ERI2: variants seen among roughly 807,000 people sequenced by gnomAD.
ERI2 encodes ERI1 exoribonuclease 2.
Under a neutral mutation model 46.8 loss-of-function variants are expected in ERI2, and 35 were observed. The observed-to-expected ratio is 0.75, with a 90% CI of 0.57 to 0.99. ERI2 has a LOEUF of 0.99. Ranked by LOEUF, ERI2 falls within the 50% of genes least tolerant of loss-of-function variation. The pLI, the probability that ERI2 is intolerant of heterozygous loss-of-function variation, is 0.00. For missense variants in ERI2, 695 were observed against 796.2 expected (o/e 0.87, Z 1.53); for synonymous variants, 224 against 271.0 (o/e 0.83, Z 1.70).
At chr16:20,792,125 T>C (rs749653596), downstream of ERI2, 1 of 1,614,036 alleles carries the variant, frequency 6.2e-7, no homozygotes, top group Non-Finnish European at 8.5e-7. Context: ...CATATTATCC[T>C]CTGGGTAACT....
chr16:20,788,017 C>A (rs1567360392), intron 10 of ERI2, among the ~76,000 whole-genome samples: 1 of 152,130 alleles, frequency 6.6e-6, no homozygotes, highest in Non-Finnish European at 1.5e-5. Flanking sequence ...GTTTAAAGAG[C>A]ATATCAGAAT....
chr16:20,792,235 G>A, downstream of ERI2: 1 of 1,614,082 alleles, frequency 6.2e-7, no homozygotes, highest in Non-Finnish European at 8.5e-7. Flanking sequence ...TGTGTTTCTA[G>A]CTATCGAATT....
At chr16:20,787,216 A>G (rs759962553) in intron 10 of ERI2, among the ~76,000 whole-genome samples, 1 of 152,196 alleles carries the variant, frequency 6.6e-6, no homozygotes, top group Non-Finnish European at 1.5e-5. Flanking sequence ...AGTTGAAAAC[A>G]TCCTAAGTCA....
At chr16:20,806,354 C>G in intron 1 of ERI2, 54 bp downstream of exon 1, 1 of 1,546,116 alleles carries the variant, frequency 6.5e-7, no homozygotes. Context: ...CTGCGGCCAA[C>G]GCCAGCGCTG....
At chr16:20,806,171 C>T (rs998317717) in intron 1 of ERI2, 8 of 1,397,498 alleles carry the variant, frequency 5.7e-6, no homozygotes, top group Middle Eastern at 2.6e-4. Context: ...AGTCAAGGCC[C>T]CAGGGTTCGT....
intron 10 of ERI2, among the ~76,000 whole-genome samples, chr16:20,782,061 G>GA (rs1337897135): frequency 6.6e-6 from 1 of 152,132 alleles, no homozygotes; most frequent in Non-Finnish European, 1.5e-5. Flanking sequence ...AAATCTTTTG[G>GA]ATGATGGCTT....
rs1196270625 is a variant in ERI2, at chr16:20,797,899, C to T, written c.1901G>A (p.Cys634Tyr). The T allele has an allele frequency of 5.8e-6, 9 of 1,551,498 alleles. No homozygotes were observed. The highest frequency in any genetic ancestry group is 2.7e-5 in the African/African-American group (2 of 73,030). ...IGKYQENRKC[C>Y]GYFKWEQTLQ... ...TGTTTGTTCCCATTTGAAATAACCA[C>T]AACATTTTCTGTTTTCTTGGTATTT... is the stretch of plus-strand genomic sequence containing the variant. Residue 634 changes from cysteine to tyrosine, a missense_variant, in exon 9 of 9, where the codon TGT becomes TAT. By Grantham distance (194) the Cys-to-Tyr change is radical. Coordinates refer to ENST00000357967, the MANE Select transcript of ERI2 (RefSeq NM_001142725.2).
intron 10 of ERI2, among the ~76,000 whole-genome samples, chr16:20,787,746 C>A (rs541191753): frequency 9.8e-5 from 15 of 152,320 alleles, no homozygotes; most frequent in African/African-American, 3.6e-4. Context: ...TCAACTATAT[C>A]TCTGCTATTC....
chr16:20,785,080 C>T, intron 10 of ERI2: 10 of 1,613,504 alleles, frequency 6.2e-6, no homozygotes, highest in Non-Finnish European at 8.5e-6. Flanking sequence ...GCCTGGATAT[C>T]TACGAAGGAT....
chr16:20,806,098 G>T, intron 1 of ERI2: 1 of 1,300,146 alleles, frequency 7.7e-7, no homozygotes, highest in South Asian at 2.4e-5. Context: ...AGTCTGCAGG[G>T]CACTGTCACG....
chr16:20,797,928 G>A lies in ERI2; in HGVS notation c.1872C>T (p.Ile624=), dbSNP rs1415264887. ...ATTTTCTGTTTTCTTGGTATTTCCC[G>A]ATAGGGCAACAATAGAAGACTTTTC... The part of the protein sequence containing the change: ...NHGKVFYCCP[I]GKYQENRKCC... Residue 624 remains isoleucine, a synonymous_variant, in exon 9 of 9, where the codon ATC becomes ATT. Coordinates refer to ENST00000357967, the MANE Select transcript of ERI2 (RefSeq NM_001142725.2). 5.8e-6 allele frequency: 9 copies of A among 1,551,590 alleles called. No homozygotes were observed. Among genetic ancestry groups the A allele is most frequent in the East Asian group, 2.4e-5 (1 of 40,924 alleles).
chr16:20,806,054 G>C, intron 1 of ERI2: 1 of 1,213,978 alleles, frequency 8.2e-7, no homozygotes, highest in Non-Finnish European at 1.0e-6. Flanking sequence ...CACCTTGACA[G>C]ATTCAGTGTG....
In ERI2 at chr16:20,789,511, G is replaced by A; in HGVS notation, c.862C>T (p.Gln288Ter). 6.2e-7 allele frequency: 1 copy of A among 1,613,646 alleles called. No homozygotes were observed. Among genetic ancestry groups the A allele is most frequent in the Middle Eastern group, 1.6e-4 (1 of 6,062 alleles). ...AACCAGAGAATATTCCCCTTTTCCT[G>A]TTTACTCATATTGGGCTTCTGAAGT... Residue 288 changes from glutamine to a stop codon, truncating the protein, a stop_gained, in exon 10 of 11, where the codon CAG becomes TAG. Transcript: ENST00000300005. LOFTEE classifies it low-confidence loss of function (END_TRUNC).
chr16:20,781,060 C>T, intron 10 of ERI2: 1 of 1,614,158 alleles, frequency 6.2e-7, no homozygotes, highest in Non-Finnish European at 8.5e-7. Flanking sequence ...AGTGTTTTTT[C>T]TCCGTGGATC....
Position 20,796,771 on chromosome 16 carries a change from T to C in ERI2, c.*953A>G. 6.5e-7 allele frequency: 1 copy of C among 1,536,002 alleles called. No homozygotes were observed. Among genetic ancestry groups the C allele is most frequent in the African/African-American group, 1.4e-5 (1 of 71,542 alleles). ...TATTTTGGCTGTTACCCAAAACCCA[T>C]TCCAAAGACTATTCTAATTCTTCCA... On this transcript the variant is annotated 3_prime_UTR_variant, in exon 9 of 9. Transcript: ENST00000357967.
At chr16:20,787,902 C>T (rs957311550) in intron 10 of ERI2, among the ~76,000 whole-genome samples, 1 of 152,148 alleles carries the variant, frequency 6.6e-6, no homozygotes, top group Non-Finnish European at 1.5e-5. Context: ...CCTGAAGAAC[C>T]ACCCCCCGAC....
chr16:20,790,988 C>A lies in ERI2; in HGVS notation c.733-56G>T. 1 of 1,561,454 alleles carries A rather than the reference C, an allele frequency of 6.4e-7. No homozygotes were observed. The highest frequency in any genetic ancestry group is 8.7e-7 in the Non-Finnish European group (1 of 1,143,998). On this transcript the variant is annotated intron_variant, in intron 8 of 10. Transcript: ENST00000300005. This position sits in a 1 kb window ranked among gnomAD's most constrained non-coding sequence, Gnocchi z 4.0. ...TGATCCTCTCAATTATCAAACAAAACCCACTCATTTTCCTGAAATCCAGTT... is the reference window on the plus strand; with the variant it reads ...TGATCCTCTCAATTATCAAACAAAAACCACTCATTTTCCTGAAATCCAGTT...
chr16:20,783,877 G>A (rs968135691), intron 10 of ERI2, among the ~76,000 whole-genome samples: 16 of 150,980 alleles, frequency 1.1e-4, no homozygotes, highest in South Asian at 2.1e-4. Context: ...GCACAATCTC[G>A]GCTCACTGCA....
At chr16:20,791,998 G>A (rs979555575), downstream of ERI2, 1 of 1,613,200 alleles carries the variant, frequency 6.2e-7, no homozygotes, top group African/African-American at 1.3e-5. Flanking sequence ...TATTTGTTTT[G>A]CAGGATAATC....
Sources: allele counts gnomAD v4.1 joint callset (sites outside exome capture counted in the v4.1 genomes callset), GRCh38; gene constraint gnomAD v4.1.1; non-coding constraint Gnocchi (gnomAD v3.1); transcripts MANE v1.5; gene names NCBI Gene and HGNC (gene_info 2026-07-23, HGNC 2026-07-21).